PAPPA: variants seen among roughly 807,000 people sequenced by gnomAD.
PAPPA encodes the protein pappalysin-1.
Under a neutral mutation model 164.0 loss-of-function variants are expected in PAPPA, and 60 were observed. That is an observed-to-expected ratio of 0.37 (90% CI 0.30 to 0.45). The LOEUF is 0.45. PAPPA is among the 20% of genes least tolerant of loss of function. The probability of loss-of-function intolerance (pLI) is 1.00; values close to 1 mark genes in which losing one functional copy is unlikely to be tolerated. For missense variants in PAPPA, 1,782 were observed against 2,087.3 expected, an observed-to-expected ratio of 0.85 and a Z score of 2.85; for synonymous variants, 875 against 814.1, an observed-to-expected ratio of 1.07 and a Z score of -1.27.
chr9:116,361,938 T>C (rs917036655), intron 17 of PAPPA, among the ~76,000 whole-genome samples: 1 of 152,150 alleles, frequency 6.6e-6, no homozygotes, highest in Non-Finnish European at 1.5e-5. Context: ...GAAACTATAA[T>C]TCCCTATTTT....
At chr9:116,230,506 C>G (rs1289288038) in intron 6 of PAPPA, among the ~76,000 whole-genome samples, 1 of 152,164 alleles carries the variant, frequency 6.6e-6, no homozygotes, top group African/African-American at 2.4e-5. Context: ...CACATAGCTT[C>G]TCTGAAAATG....
At chr9:116,385,091 G>A (rs1412532515) in intron 21 of PAPPA, among the ~76,000 whole-genome samples, 6 of 151,806 alleles carry the variant, frequency 4.0e-5, no homozygotes, top group East Asian at 1.9e-4. Flanking sequence ...AAAATTAGCC[G>A]GGTGTGGTGG....
At chr9:116,305,044 A>G (rs1845626708) in intron 10 of PAPPA, among the ~76,000 whole-genome samples, 1 of 151,616 alleles carries the variant, frequency 6.6e-6, no homozygotes, top group African/African-American at 2.4e-5. Context: ...AAGTACCTAG[A>G]AGTCATTCAC....
At chr9:116,394,782 C>A (rs1052829161) in intron 21 of PAPPA, among the ~76,000 whole-genome samples, 1 of 152,172 alleles carries the variant, frequency 6.6e-6, no homozygotes, top group Non-Finnish European at 1.5e-5. Flanking sequence ...GAAATGCTTA[C>A]CACAGCATCA....
intron 8 of PAPPA, among the ~76,000 whole-genome samples, chr9:116,267,738 G>A (rs1045787775): frequency 2.0e-5 from 3 of 151,782 alleles, no homozygotes; most frequent in African/African-American, 4.8e-5. Flanking sequence ...AGCCGGGCGC[G>A]GTGGCGGGCG....
At chr9:116,286,153 G>A (rs1272332099) in intron 9 of PAPPA, 1 of 152,166 alleles carries the variant, frequency 6.6e-6, no homozygotes, top group Non-Finnish European at 1.5e-5. Context: ...ACTAAGTAGA[G>A]ACGGGCTCAA....
At position 116,154,088 on chromosome 9, in the gene PAPPA, G is replaced by GA. The variant is rs550530025; in HGVS notation, c.-82dup. ...CGCCCAAGAAGGGTGAAGAAGCGAA[G>GA]AAAGTCGAGGCGCCGAGGCTCCCAA... is the stretch of plus-strand genomic sequence containing the variant. On this transcript the variant is annotated 5_prime_UTR_variant, in exon 1 of 22. Coordinates refer to ENST00000328252, the MANE Select transcript of PAPPA (RefSeq NM_002581.5). The surrounding 1 kb of genome is among the most constrained non-coding windows in gnomAD (Gnocchi z 5.2). 4,372 of 1,137,970 alleles carry GA rather than the reference G, an allele frequency of 3.8e-3. 15 individuals carry two copies. Among genetic ancestry groups the GA allele is most frequent in the South Asian group, 5.8e-3 (329 of 56,990 alleles). The allele number at this position is 1,137,970 out of a possible 1,614,324, so 70.5% of individuals were successfully genotyped here.
intron 9 of PAPPA, among the ~76,000 whole-genome samples, chr9:116,280,751 C>A (rs568129849): frequency 6.6e-6 from 1 of 152,236 alleles, no homozygotes; most frequent in African/African-American, 2.4e-5. Flanking sequence ...GCCAACCCAG[C>A]CTGCTGCCTG....
intron 13 of PAPPA, 122 bp downstream of exon 13, chr9:116,335,196 C>A: frequency 5.0e-6 from 4 of 796,402 alleles, no homozygotes; most frequent in Middle Eastern, 3.6e-4. Flanking sequence ...CCTTCTCCAT[C>A]CATCCTCTGG....
chr9:116,332,392 G>A lies in PAPPA; in HGVS notation c.3321G>A (p.Gly1107=). ...AAVIVHLVTD[G]TYYGDQKQET... ...TCATTGTCCACCTGGTGACGGATGG[G>A]ACATATTATGGGGACCAAAAGCAGG... Residue 1107 remains glycine (G), a synonymous_variant, in exon 12 of 22, where the codon GGG becomes GGA. Transcript: ENST00000328252. 2 of 1,614,008 alleles carry A rather than the reference G, an allele frequency of 1.2e-6. No homozygotes were observed. The highest frequency in any genetic ancestry group is 1.7e-6 in the Non-Finnish European group (2 of 1,179,884).
intron 2 of PAPPA, among the ~76,000 whole-genome samples, chr9:116,198,423 G>A (rs1249269526): frequency 6.6e-6 from 1 of 152,226 alleles, no homozygotes; most frequent in East Asian, 1.9e-4. Flanking sequence ...CCAATAGTTT[G>A]TGCATGAGTG....
chr9:116,171,267 T>A (rs1843772701), intron 1 of PAPPA, among the ~76,000 whole-genome samples: 1 of 152,200 alleles, frequency 6.6e-6, no homozygotes, highest in African/African-American at 2.4e-5. Flanking sequence ...TGCTGAGCCT[T>A]CACATTCTGT....
intron 21 of PAPPA, among the ~76,000 whole-genome samples, chr9:116,383,587 C>A (rs549688227): frequency 1.3e-5 from 2 of 152,288 alleles, no homozygotes; most frequent in Admixed American, 1.3e-4. Context: ...TTTGCAACAT[C>A]CTTAGGAGAG....
intron 14 of PAPPA, 82 bp downstream of exon 14, chr9:116,344,793 C>T: frequency 8.2e-7 from 1 of 1,223,162 alleles, no homozygotes; most frequent in Non-Finnish European, 1.2e-6. Context: ...CTGCTAAATA[C>T]CCAGCAGCAC....
intron 9 of PAPPA, among the ~76,000 whole-genome samples, chr9:116,294,575 C>G (rs1340996941): frequency 1.3e-5 from 2 of 152,200 alleles, no homozygotes; most frequent in Non-Finnish European, 2.9e-5. Flanking sequence ...ATATAGCCAC[C>G]TCCCAGCCCC....
intron 1 of PAPPA, among the ~76,000 whole-genome samples, chr9:116,169,013 C>A (rs2118986463): frequency 6.6e-6 from 1 of 152,188 alleles, no homozygotes; most frequent in Non-Finnish European, 1.5e-5. Context: ...GAGATGGCTC[C>A]AAATAAGGAA....
At chr9:116,296,379 C>T (rs1452345218) in intron 9 of PAPPA, among the ~76,000 whole-genome samples, 1 of 152,172 alleles carries the variant, frequency 6.6e-6, no homozygotes, top group Non-Finnish European at 1.5e-5. Context: ...TGTTACCTTT[C>T]ATTTGTTGTT....
Position 116,352,796 on chromosome 9 carries a change from T to C in PAPPA, c.4055T>C (p.Val1352Ala). Residue 1352 changes from valine (V) to alanine (A), a missense_variant, in exon 16 of 22, where the codon GTG (valine) becomes GCG (alanine). Physicochemically the swap from Val to Ala is moderately conservative, Grantham distance 64. Coordinates refer to ENST00000328252, the MANE Select transcript of PAPPA (RefSeq NM_002581.5). Reference sequence around the variant, plus strand: ...CTCATGTGCCTCGCTCCACCCCCTGTGCCCAATGCAGACCTCCAGACCGCC... The same window carrying C: ...CTCATGTGCCTCGCTCCACCCCCTGCGCCCAATGCAGACCTCCAGACCGCC... The part of the protein sequence containing the change: ...CELMCLAPPP[V>A]PNADLQTARC... 1.2e-6 allele frequency: 2 copies of C among 1,613,982 alleles called. No homozygotes were observed. The highest frequency in any genetic ancestry group is 1.7e-6 in the Non-Finnish European group (2 of 1,179,970).
At chr9:116,285,171 C>CTTTTTTTTTTTTTTTTTTTTTTTTCTTTT in intron 9 of PAPPA, among the ~76,000 whole-genome samples, 1 of 89,494 alleles carries the variant, frequency 1.1e-5, no homozygotes, top group East Asian at 3.5e-4. Flanking sequence ...TTCTTTCTTT[C>CTTTTTTTTTTTTTTTTTTTTTTTTCTTTT]TTTTTTTTTT....
Sources: gnomAD v4.1 joint callset for allele counts (sites outside exome capture counted in the v4.1 genomes callset) on GRCh38, gnomAD v4.1.1 for gene constraint, Gnocchi (gnomAD v3.1) non-coding constraint, MANE v1.5 for transcripts, NCBI Gene and HGNC (gene_info 2026-07-23, HGNC 2026-07-21) for gene names.